Variants in SGCZ observed in about 807,000 individuals in gnomAD.
SGCZ encodes the protein zeta-sarcoglycan.
SGCZ carries 40 observed loss-of-function variants against 41.3 expected under a neutral mutation model. That is an observed-to-expected ratio of 0.97 (90% CI 0.75 to 1.26). SGCZ has a LOEUF of 1.26. Ranked by LOEUF, SGCZ falls within the 50% of genes most tolerant of loss-of-function variation. The pLI, the probability that SGCZ is intolerant of heterozygous loss-of-function variation, is 0.00. For synonymous variants in SGCZ, 206 were observed against 137.5 expected (o/e 1.50, Z -3.49); for missense variants, 552 against 369.8 (o/e 1.49, Z -4.04).
intron 1 of SGCZ, among the ~76,000 whole-genome samples, chr8:14,596,136 G>A (rs1204841481): frequency 6.6e-6 from 1 of 152,204 alleles, no homozygotes; most frequent in African/African-American, 2.4e-5. Flanking sequence ...ACAATGATGA[G>A]TGAGAATATA....
chr8:14,302,905 T>G (rs1801243131), intron 3 of SGCZ, among the ~76,000 whole-genome samples: 1 of 152,216 alleles, frequency 6.6e-6, no homozygotes, highest in East Asian at 1.9e-4. Context: ...GAATTTTCTT[T>G]TCAATTTCAT....
chr8:15,075,807 T>C (rs1805508316), intron 1 of SGCZ, among the ~76,000 whole-genome samples: 1 of 152,198 alleles, frequency 6.6e-6, no homozygotes, highest in Non-Finnish European at 1.5e-5. Flanking sequence ...ATTTTTCTGC[T>C]ATGAAGTCTA....
At chr8:15,120,693 C>G (rs1036825011) in intron 1 of SGCZ, among the ~76,000 whole-genome samples, 4 of 152,214 alleles carry the variant, frequency 2.6e-5, no homozygotes, top group Middle Eastern at 3.4e-3. Flanking sequence ...CTCAGCCCAT[C>G]GCCCCTGCTT....
At chr8:15,132,386 A>G (rs912601789) in intron 1 of SGCZ, among the ~76,000 whole-genome samples, 4 of 152,064 alleles carry the variant, frequency 2.6e-5, no homozygotes, top group African/African-American at 7.2e-5. Context: ...TAACACCTCA[A>G]TCTCCCCTTA....
chr8:14,715,555 CA>C (rs1345798415), intron 1 of SGCZ, among the ~76,000 whole-genome samples: 16 of 142,082 alleles, frequency 1.1e-4, no homozygotes, highest in Non-Finnish European at 2.3e-4. Flanking sequence ...CACACACACA[CA>C]CACAAACATG....
chr8:14,959,694 CT>C (rs1800903251), intron 1 of SGCZ, among the ~76,000 whole-genome samples: 2 of 152,100 alleles, frequency 1.3e-5, no homozygotes, highest in Admixed American at 6.6e-5. Flanking sequence ...TCAGAACAAA[CT>C]GTTCTTAAGT....
At chr8:14,544,047 G>T (rs1343221262) in intron 2 of SGCZ, among the ~76,000 whole-genome samples, 8 of 152,102 alleles carry the variant, frequency 5.3e-5, no homozygotes, top group African/African-American at 1.9e-4. Flanking sequence ...TTGTAAGAGG[G>T]CTTTAATGGT....
intron 1 of SGCZ, among the ~76,000 whole-genome samples, chr8:14,819,739 G>A (rs558970671): frequency 1.6e-4 from 24 of 152,198 alleles, no homozygotes; most frequent in African/African-American, 5.5e-4. Context: ...GTAGAGAAGA[G>A]GGAAAAATTG....
intron 1 of SGCZ, among the ~76,000 whole-genome samples, chr8:14,712,889 C>G (rs1809567515): frequency 2.0e-5 from 3 of 151,742 alleles, no homozygotes; most frequent in South Asian, 2.1e-4. Context: ...TTGGCAATTC[C>G]AAAATGTGAC....
At chr8:14,335,400 C>G (rs1043557184) in intron 2 of SGCZ, among the ~76,000 whole-genome samples, 4 of 151,914 alleles carry the variant, frequency 2.6e-5, no homozygotes, top group African/African-American at 9.7e-5. Context: ...ATTTTTTTTC[C>G]TAAAACATGA....
At chr8:14,145,304 T>C (rs1411423177) in intron 5 of SGCZ, among the ~76,000 whole-genome samples, 1 of 152,144 alleles carries the variant, frequency 6.6e-6, no homozygotes, top group Non-Finnish European at 1.5e-5. Flanking sequence ...TTCTCTCAGA[T>C]CTTGTCCATG....
chr8:14,110,181 A>G (rs1802329785), intron 5 of SGCZ, among the ~76,000 whole-genome samples: 1 of 152,132 alleles, frequency 6.6e-6, no homozygotes. Context: ...TAGCATTTGA[A>G]AGAATATTAC....
At chr8:14,170,567 C>G (rs1241514276) in intron 4 of SGCZ, among the ~76,000 whole-genome samples, 2 of 152,088 alleles carry the variant, frequency 1.3e-5, no homozygotes, top group African/African-American at 4.8e-5. Context: ...CTTCTATTGA[C>G]TACATTGTCT....
chr8:15,006,930 G>C (rs1802625490), intron 1 of SGCZ, among the ~76,000 whole-genome samples: 1 of 152,148 alleles, frequency 6.6e-6, no homozygotes, highest in African/African-American at 2.4e-5. Flanking sequence ...AAATATCAAG[G>C]AGAACAGTGC....
intron 1 of SGCZ, among the ~76,000 whole-genome samples, chr8:15,204,617 T>C (rs4831329): frequency 0.37 from 56,263 of 152,014 alleles, 11,933 homozygotes; most frequent in Non-Finnish European, 0.46. Context: ...GCGACTCTCA[T>C]AGCACTTCAC....
chr8:14,770,532 T>C (rs997051402), intron 1 of SGCZ, among the ~76,000 whole-genome samples: 3 of 151,874 alleles, frequency 2.0e-5, no homozygotes, highest in Admixed American at 6.6e-5. Context: ...ATATATATGG[T>C]TTATGTTCTC....
chr8:15,077,797 C>A (rs995362563), intron 1 of SGCZ, among the ~76,000 whole-genome samples: 1 of 152,150 alleles, frequency 6.6e-6, no homozygotes, highest in African/African-American at 2.4e-5. Flanking sequence ...GCTCCATAGA[C>A]CCATGCATCT....
intron 1 of SGCZ, among the ~76,000 whole-genome samples, chr8:14,935,580 A>G (rs1256266693): frequency 6.6e-6 from 1 of 151,952 alleles, no homozygotes; most frequent in Non-Finnish European, 1.5e-5. Flanking sequence ...GATCAAGAAC[A>G]AGAGTATTGA....
intron 1 of SGCZ, among the ~76,000 whole-genome samples, chr8:14,761,527 A>AT (rs1414823298): frequency 7.1e-5 from 10 of 140,478 alleles, no homozygotes; most frequent in South Asian, 4.6e-4. Context: ...TATTTTATTT[A>AT]TTTATTTATT....
Sources: gnomAD v4.1 joint callset for allele counts (sites outside exome capture counted in the v4.1 genomes callset) on GRCh38, gnomAD v4.1.1 for gene constraint, MANE v1.5 for transcripts, NCBI Gene and HGNC (gene_info 2026-07-23, HGNC 2026-07-21) for gene names.